SVOP: variants seen among roughly 807,000 people sequenced by gnomAD.
SVOP encodes synaptic vesicle 2-related protein.
A neutral mutation model predicts 69.1 loss-of-function variants in SVOP; 17 were observed. That is an observed-to-expected ratio of 0.25 (90% CI 0.17 to 0.37). SVOP has a LOEUF of 0.37. Ranked by LOEUF, SVOP falls within the 10% of genes least tolerant of loss-of-function variation. The pLI is 1.00. For synonymous variants in SVOP, 238 were observed against 238.6 expected, an observed-to-expected ratio of 1.00 and a Z score of 0.02; for missense variants, 435 against 597.5, an observed-to-expected ratio of 0.73 and a Z score of 2.84.
rs528575501 is a variant in SVOP, at chr12:108,997,350, A to T, written c.36-13589T>A. On this transcript the variant is annotated intron_variant, in intron 1 of 15. Transcript: ENST00000610966. ...CGCTGATTGCTAGCACAGCAGTCTG[A>T]GATCAAACTGCAAGGCGGCAGCGAG... 1.6e-3 allele frequency among the ~76,000 whole-genome samples: 242 copies of T among 152,030 alleles called. 1 individual carries two copies. Among genetic ancestry groups the T allele is most frequent in the African/African-American group, 5.3e-3 (220 of 41,522 alleles).
At chr12:108,934,312 G>A (rs1294895550) in intron 10 of SVOP, 41 bp from the exon 11 acceptor site, 2 of 1,533,372 alleles carry the variant, frequency 1.3e-6, no homozygotes, top group Non-Finnish European at 1.8e-6. Flanking sequence ...ATGATCAGAG[G>A]AACACCAGTC....
intron 2 of SVOP, among the ~76,000 whole-genome samples, chr12:108,983,366 A>T (rs1178482122): frequency 6.6e-6 from 1 of 152,124 alleles, no homozygotes; most frequent in Non-Finnish European, 1.5e-5. Context: ...CATTATCATC[A>T]TTGTTATTGC....
At chr12:108,943,364 G>A (rs1206647860) in intron 7 of SVOP, among the ~76,000 whole-genome samples, 3 of 151,920 alleles carry the variant, frequency 2.0e-5, no homozygotes, top group East Asian at 2.0e-4. Flanking sequence ...TTGGGAGGCC[G>A]AGGTGGGTGG....
At chr12:108,938,994 T>G in intron 8 of SVOP, 39 bp from the exon 9 acceptor site, 1 of 1,613,502 alleles carries the variant, frequency 6.2e-7, no homozygotes, top group East Asian at 2.2e-5. Context: ...CGTGGCTGGT[T>G]AGGGTGGAAC....
rs1320145275 is a variant in SVOP, at chr12:108,972,861, C to T, written c.382-385G>A. Reference sequence around the variant, plus strand: ...GCTGCTGAGAAAATACCAAGGGCTGCAAGGTAGAGGTTGGCATACAGGAGG... The same window carrying T: ...GCTGCTGAGAAAATACCAAGGGCTGTAAGGTAGAGGTTGGCATACAGGAGG... On this transcript the variant is annotated intron_variant, in intron 4 of 15. Coordinates refer to ENST00000610966, the MANE Select transcript of SVOP (RefSeq NM_018711.5). Among the ~76,000 whole-genome samples, 6 of 152,178 alleles carry T rather than the reference C, an allele frequency of 3.9e-5. No individual in the cohort carries two copies. The East Asian group carries it at 5.8e-4, about 15-fold the overall frequency.
intron 11 of SVOP, among the ~76,000 whole-genome samples, chr12:108,932,088 C>T (rs1006463094): frequency 5.3e-5 from 8 of 152,096 alleles, no homozygotes; most frequent in Admixed American, 2.6e-4. Context: ...TCATGGCTCA[C>T]GGCAGCCTGG....
In SVOP at chr12:108,908,865, C is replaced by G. The variant is rs971513133; in HGVS notation, c.*3670G>C. On this transcript the variant is annotated 3_prime_UTR_variant, in exon 16 of 16. Transcript: ENST00000610966. The stretch of plus-strand genomic sequence containing the variant: ...TATCCCTTGGTGCTCGTAGGCCCTT[C>G]CTTCCAGCCCTACAGCAGGACTCAT... 1 of 152,222 alleles carries G rather than the reference C, an allele frequency of 6.6e-6. No individual in the cohort carries two copies. Among genetic ancestry groups the G allele is most frequent in the Non-Finnish European group, 1.5e-5 (1 of 68,060 alleles). The allele number at this position is 152,222 out of a possible 1,614,324, so 9.4% of individuals were successfully genotyped here.
At chr12:108,952,720 G>T (rs569135558) in intron 6 of SVOP, among the ~76,000 whole-genome samples, 2 of 152,132 alleles carry the variant, frequency 1.3e-5, no homozygotes, top group African/African-American at 4.8e-5. Context: ...TTAGCTGGGC[G>T]TGGTGGCACA....
At chr12:109,017,555 A>G (rs1388208905) in intron 1 of SVOP, among the ~76,000 whole-genome samples, 2 of 151,996 alleles carry the variant, frequency 1.3e-5, no homozygotes, top group African/African-American at 4.8e-5. Context: ...ATATATACAC[A>G]CACATTTTTT....
intron 1 of SVOP, among the ~76,000 whole-genome samples, chr12:108,999,927 T>C (rs2040258226): frequency 6.6e-6 from 1 of 151,682 alleles, no homozygotes; most frequent in Admixed American, 6.6e-5. Context: ...GCGAACACAT[T>C]CAAAAGCTAG....
At chr12:109,012,330 A>G (rs2040346545) in intron 1 of SVOP, among the ~76,000 whole-genome samples, 2 of 152,080 alleles carry the variant, frequency 1.3e-5, no homozygotes, top group South Asian at 4.1e-4. Flanking sequence ...CAAGAGATCT[A>G]TCGTACAACA....
At chr12:109,005,636 G>C (rs767918345) in intron 1 of SVOP, among the ~76,000 whole-genome samples, 66 of 152,132 alleles carry the variant, frequency 4.3e-4, no homozygotes, top group Admixed American at 9.2e-4. Context: ...GGACAGCAGT[G>C]GTACCCAAGG....
At chr12:108,916,153 C>G (rs2039712299) in intron 14 of SVOP, among the ~76,000 whole-genome samples, 2 of 152,232 alleles carry the variant, frequency 1.3e-5, no homozygotes, top group African/African-American at 4.8e-5. Flanking sequence ...GGAACTGCCA[C>G]AAGTTCACAA....
chr12:108,944,996 A>T, intron 7 of SVOP, 107 bp downstream of exon 7: 1 of 1,010,140 alleles, frequency 9.9e-7, no homozygotes, highest in Non-Finnish European at 1.5e-6. Flanking sequence ...TGAGTCTGTA[A>T]TGTTTTTTTC....
intron 7 of SVOP, among the ~76,000 whole-genome samples, chr12:108,943,820 T>C (rs2039906843): frequency 6.8e-6 from 1 of 147,944 alleles, no homozygotes; most frequent in Non-Finnish European, 1.5e-5. Flanking sequence ...CTCCTCCTCC[T>C]GCTCCTCCTC....
chr12:108,934,137 T>A (rs916492393), intron 11 of SVOP, 58 bp downstream of exon 11: 1 of 1,457,036 alleles, frequency 6.9e-7, no homozygotes, highest in African/African-American at 1.4e-5. Flanking sequence ...TGTGCATGAC[T>A]GTGTATGTGC....
intron 6 of SVOP, among the ~76,000 whole-genome samples, chr12:108,952,808 A>T (rs2039963681): frequency 6.6e-6 from 1 of 152,178 alleles, no homozygotes; most frequent in Admixed American, 6.5e-5. Flanking sequence ...GCAGGGAGGT[A>T]TGATCGTGTT....
chr12:109,000,188 C>T (rs888492804), intron 1 of SVOP, among the ~76,000 whole-genome samples: 77 of 152,132 alleles, frequency 5.1e-4, no homozygotes, highest in African/African-American at 8.2e-4. Context: ...AACACCTCTA[C>T]GCAAATAAAC....
chr12:108,951,056 T>C (rs2039951284), intron 6 of SVOP, among the ~76,000 whole-genome samples: 1 of 152,200 alleles, frequency 6.6e-6, no homozygotes, highest in African/African-American at 2.4e-5. Flanking sequence ...TTGGATCACG[T>C]GTTTGGAAAG....
Sources: allele counts gnomAD v4.1 joint callset (sites outside exome capture counted in the v4.1 genomes callset), GRCh38; gene constraint gnomAD v4.1.1; transcripts MANE v1.5; gene names NCBI Gene and HGNC (gene_info 2026-07-23, HGNC 2026-07-21).